Variants in CSMD1 observed in about 807,000 individuals in gnomAD.
The protein encoded by CSMD1 is CUB and sushi domain-containing protein 1.
In CSMD1, 213 loss-of-function variants were observed where a neutral mutation model predicts 417.5. The observed-to-expected ratio is 0.51, with a 90% CI of 0.46 to 0.57. The LOEUF is 0.57. Among genes scored for constraint, CSMD1 ranks in the 20% least tolerant of loss-of-function variants. The pLI is 0.00. For missense variants in CSMD1, 6,923 were observed against 4,529.7 expected, an observed-to-expected ratio of 1.53 and a Z score of -15.17; for synonymous variants, 2,862 against 1,736.8, an observed-to-expected ratio of 1.65 and a Z score of -16.11.
At chr8:4,778,595 G>A (rs893219022) in intron 1 of CSMD1, among the ~76,000 whole-genome samples, 3 of 152,182 alleles carry the variant, frequency 2.0e-5, no homozygotes, top group East Asian at 1.9e-4. Context: ...GTGAGAGGGA[G>A]GTCATGTGCA....
In CSMD1 at chr8:4,972,113, A is replaced by G. The variant is rs76003637; in HGVS notation, c.85+22219T>C. ...TATGTTCAAGCCTATCTGATAAAAGAAAGAGTAATATCGTTATACGCTGCC... is the reference window on the plus strand; with the variant it reads ...TATGTTCAAGCCTATCTGATAAAAGGAAGAGTAATATCGTTATACGCTGCC... On this transcript the variant is annotated intron_variant, in intron 1 of 69. Transcript: ENST00000635120. Among the ~76,000 whole-genome samples, 197 of 152,280 alleles carry G rather than the reference A, an allele frequency of 1.3e-3. 4 individuals carry two copies. The East Asian group carries it at 0.022, about 17-fold the overall frequency.
intron 5 of CSMD1, among the ~76,000 whole-genome samples, chr8:3,830,204 T>C (rs1013137460): frequency 6.6e-6 from 1 of 152,190 alleles, no homozygotes; most frequent in Admixed American, 6.5e-5. Context: ...CAAGGATTGT[T>C]TGAGGTAAAA....
At chr8:3,713,525 A>G (rs1801647653) in intron 6 of CSMD1, among the ~76,000 whole-genome samples, 1 of 152,062 alleles carries the variant, frequency 6.6e-6, no homozygotes, top group African/African-American at 2.4e-5. Flanking sequence ...CCCCACAGCC[A>G]GACATCTGCC....
At chr8:4,114,126 G>A (rs190574776) in intron 3 of CSMD1, among the ~76,000 whole-genome samples, 45 of 152,324 alleles carry the variant, frequency 3.0e-4, no homozygotes, top group Non-Finnish European at 4.9e-4. Flanking sequence ...TTCATAGGAG[G>A]AAAGAGGGTA....
At chr8:3,688,547 A>G (rs1018684825) in intron 7 of CSMD1, among the ~76,000 whole-genome samples, 2 of 152,374 alleles carry the variant, frequency 1.3e-5, no homozygotes, top group Admixed American at 6.5e-5. Flanking sequence ...CTTAACTACA[A>G]TGCATGTGCT....
At chr8:3,686,906 G>A (rs1277193651) in intron 7 of CSMD1, among the ~76,000 whole-genome samples, 2 of 152,160 alleles carry the variant, frequency 1.3e-5, no homozygotes, top group East Asian at 3.9e-4. Flanking sequence ...TGGGCCGTAA[G>A]AGGACAGAGT....
At chr8:4,318,587 G>C (rs1448254819) in intron 3 of CSMD1, among the ~76,000 whole-genome samples, 1 of 151,884 alleles carries the variant, frequency 6.6e-6, no homozygotes, top group African/African-American at 2.4e-5. Context: ...AAAACATGTT[G>C]ATTGAAATGT....
At chr8:3,262,109 G>C (rs968121443) in intron 26 of CSMD1, among the ~76,000 whole-genome samples, 5 of 148,724 alleles carry the variant, frequency 3.4e-5, no homozygotes, top group Admixed American at 2.7e-4. Flanking sequence ...GGTTATGTAT[G>C]TCTGAGTTGC....
At chr8:3,415,891 A>C (rs372982049) in intron 12 of CSMD1, among the ~76,000 whole-genome samples, 1 of 152,222 alleles carries the variant, frequency 6.6e-6, no homozygotes, top group South Asian at 2.1e-4. Flanking sequence ...AGAATAAGTG[A>C]GATTTTTTAA....
At chr8:4,400,910 A>G (rs970338040) in intron 3 of CSMD1, among the ~76,000 whole-genome samples, 1 of 152,030 alleles carries the variant, frequency 6.6e-6, no homozygotes, top group Non-Finnish European at 1.5e-5. Flanking sequence ...GTATATTGCA[A>G]TGACTCAGTA....
At chr8:4,058,360 C>T (rs1338615835) in intron 3 of CSMD1, among the ~76,000 whole-genome samples, 1 of 152,084 alleles carries the variant, frequency 6.6e-6, no homozygotes, top group Non-Finnish European at 1.5e-5. Flanking sequence ...TATAAGAATG[C>T]TTGTGATTTT....
chr8:3,624,370 T>A (rs77726340), intron 7 of CSMD1, among the ~76,000 whole-genome samples: 2 of 152,186 alleles, frequency 1.3e-5, no homozygotes, highest in Non-Finnish European at 2.9e-5. Context: ...TAAATCTCTA[T>A]GTAAGGTGTC....
chr8:4,126,757 C>G (rs575936296), intron 3 of CSMD1, among the ~76,000 whole-genome samples: 18 of 152,276 alleles, frequency 1.2e-4, no homozygotes, highest in South Asian at 2.1e-4. Context: ...AATAAACATA[C>G]AACTCTTTTC....
At chr8:3,625,731 C>A (rs979925679) in intron 7 of CSMD1, among the ~76,000 whole-genome samples, 1 of 152,092 alleles carries the variant, frequency 6.6e-6, no homozygotes, top group Non-Finnish European at 1.5e-5. Context: ...ATTATTCTTA[C>A]TACTCCCTAC....
chr8:4,227,868 C>A (rs1035423904), intron 3 of CSMD1, among the ~76,000 whole-genome samples: 2 of 151,472 alleles, frequency 1.3e-5, no homozygotes, highest in African/African-American at 4.9e-5. Context: ...GACACAGCCT[C>A]CATCCTACAT....
chr8:3,899,838 G>C (rs752171348), intron 5 of CSMD1, among the ~76,000 whole-genome samples: 2 of 152,176 alleles, frequency 1.3e-5, no homozygotes, highest in African/African-American at 4.8e-5. Context: ...CACAGGTACT[G>C]TGTCCTGAAA....
At chr8:4,951,960 C>T (rs1200121575) in intron 1 of CSMD1, among the ~76,000 whole-genome samples, 1 of 151,320 alleles carries the variant, frequency 6.6e-6, no homozygotes, top group Non-Finnish European at 1.5e-5. Flanking sequence ...ACTGGTGACT[C>T]CTTCAGAGCC....
intron 2 of CSMD1, among the ~76,000 whole-genome samples, chr8:4,499,704 A>G (rs916183818): frequency 1.3e-5 from 2 of 152,236 alleles, no homozygotes; most frequent in African/African-American, 4.8e-5. Context: ...AATGCATTTG[A>G]AGTTAAAGTG....
intron 3 of CSMD1, among the ~76,000 whole-genome samples, chr8:4,236,026 G>GTTTTTTTTTTTT (rs147378202): frequency 2.8e-5 from 3 of 108,086 alleles, no homozygotes; most frequent in African/African-American, 1.3e-4. Flanking sequence ...AATGGATATT[G>GTTTTTTTTTTTT]TTTTTTTTGT....
Sources: gnomAD v4.1 joint callset for allele counts (sites outside exome capture counted in the v4.1 genomes callset) on GRCh38, gnomAD v4.1.1 for gene constraint, MANE v1.5 for transcripts, NCBI Gene and HGNC (gene_info 2026-07-23, HGNC 2026-07-21) for gene names.